Variants in WWP1 observed in about 807,000 individuals in gnomAD.
The protein encoded by WWP1 is WW domain containing E3 ubiquitin protein ligase 1, also known as NEDD4-like E3 ubiquitin-protein ligase WWP1.
In WWP1, 49 loss-of-function variants were observed where a neutral mutation model predicts 130.6. That is an observed-to-expected ratio of 0.38 (90% CI 0.30 to 0.48). WWP1 has a LOEUF of 0.48. Among genes scored for constraint, WWP1 ranks in the 20% least tolerant of loss-of-function variants. The pLI is 0.99. For synonymous variants in WWP1, 332 were observed against 367.8 expected (o/e 0.90, Z 1.11); for missense variants, 809 against 1,100.6 (o/e 0.74, Z 3.75).
chr8:86,401,911 AAAT>A, intron 7 of WWP1, 105 bp from the exon 8 acceptor site: 1 of 1,138,372 alleles, frequency 8.8e-7, no homozygotes, highest in Non-Finnish European at 1.2e-6. Context: ...TTTAAAAAAG[AAAT>A]AACAAAAAAG....
chr8:86,366,018 C>T (rs941609042), intron 1 of WWP1, among the ~76,000 whole-genome samples: 2 of 152,144 alleles, frequency 1.3e-5, no homozygotes, highest in African/African-American at 2.4e-5. Flanking sequence ...CTTGACATAA[C>T]GTATGTGAAA....
intron 21 of WWP1, among the ~76,000 whole-genome samples, chr8:86,453,804 T>C (rs531688230): frequency 6.6e-6 from 1 of 152,288 alleles, no homozygotes; most frequent in East Asian, 1.9e-4. Context: ...ATTTCCCTAA[T>C]GATTAGTTAT....
chr8:86,357,182 TG>T (rs1823312874), intron 1 of WWP1, among the ~76,000 whole-genome samples: 1 of 152,228 alleles, frequency 6.6e-6, no homozygotes, highest in Non-Finnish European at 1.5e-5. Context: ...ATATGTTCTA[TG>T]TTCCAATTCT....
intron 2 of WWP1, among the ~76,000 whole-genome samples, chr8:86,372,087 G>A (rs1366619287): frequency 2.1e-5 from 3 of 140,926 alleles, no homozygotes; most frequent in Admixed American, 1.5e-4. Flanking sequence ...GCAGTGGCGC[G>A]ATCTCGACTC....
At chr8:86,396,848 C>T (rs1421037957) in intron 5 of WWP1, among the ~76,000 whole-genome samples, 1 of 152,094 alleles carries the variant, frequency 6.6e-6, no homozygotes, top group Non-Finnish European at 1.5e-5. Flanking sequence ...GATGCGCCTG[C>T]CTCACCTCCC....
At chr8:86,431,805 C>T in intron 14 of WWP1, 62 bp downstream of exon 14, 1 of 1,587,938 alleles carries the variant, frequency 6.3e-7, no homozygotes, top group Non-Finnish European at 8.6e-7. Context: ...GATTTAGTCT[C>T]TAATTTATCC....
In WWP1 at chr8:86,342,682, G is replaced by C. The variant is rs1454759094; in HGVS notation, c.-363G>C. 6.2e-6 allele frequency: 2 copies of C among 321,496 alleles called. No homozygotes were observed. Among genetic ancestry groups the C allele is most frequent in the East Asian group, 9.4e-5 (2 of 21,244 alleles). 19.9% of individuals were successfully genotyped at this position (321,496 alleles called of 1,614,324 possible). A position where few individuals can be genotyped will look rare whatever the true frequency, so the allele number is the denominator to read the frequency against. On this transcript the variant is annotated 5_prime_UTR_variant, in exon 1 of 25. Transcript: ENST00000517970. ...CGCGCTCCCGAGGAAGGGAGGTGTG[G>C]GGTCGGCTGGGGGTGGCGCGTGGAC...
chr8:86,455,949 A>G (rs1201357982), intron 21 of WWP1, among the ~76,000 whole-genome samples: 2 of 152,018 alleles, frequency 1.3e-5, no homozygotes, highest in South Asian at 2.1e-4. Context: ...GTCCAGAAGT[A>G]GATCCACACC....
At position 86,402,222 on chromosome 8, in the gene WWP1, G is replaced by A. The variant is rs887106390; in HGVS notation, c.724+19G>A. ...GACACTGGTAAGCAAGGCTATTTATGACACCTTGTTTAAAGGAAAAGTAAA... is the reference window on the plus strand; with the variant it reads ...GACACTGGTAAGCAAGGCTATTTATAACACCTTGTTTAAAGGAAAAGTAAA... On this transcript the variant is annotated intron_variant, in intron 8 of 24. Coordinates refer to ENST00000517970, the MANE Select transcript of WWP1 (RefSeq NM_007013.4). The A allele has an allele frequency of 6.2e-7, 1 of 1,608,606 alleles. No homozygotes were observed. Among genetic ancestry groups the A allele is most frequent in the Non-Finnish European group, 8.5e-7 (1 of 1,177,586 alleles).
At chr8:86,441,554 T>G (rs924649977) in intron 17 of WWP1, among the ~76,000 whole-genome samples, 3 of 152,230 alleles carry the variant, frequency 2.0e-5, no homozygotes, top group Non-Finnish European at 4.4e-5. Context: ...GAATGAAGAT[T>G]TCTGACTTCT....
chr8:86,372,675 C>G (rs557252954), intron 2 of WWP1, among the ~76,000 whole-genome samples: 61 of 152,042 alleles, frequency 4.0e-4, no homozygotes, highest in African/African-American at 1.4e-3. Flanking sequence ...CTTTAAGTGT[C>G]CCTCTTTTCT....
intron 5 of WWP1, among the ~76,000 whole-genome samples, chr8:86,384,444 A>G (rs892972593): frequency 6.6e-6 from 1 of 152,212 alleles, no homozygotes; most frequent in East Asian, 1.9e-4. Context: ...TAAGTTGGTC[A>G]AGAGTATACA....
intron 5 of WWP1, among the ~76,000 whole-genome samples, chr8:86,385,099 GA>G (rs1315042081): frequency 6.6e-6 from 1 of 151,864 alleles, no homozygotes; most frequent in Non-Finnish European, 1.5e-5. Flanking sequence ...TAGTGTTGAA[GA>G]AAAATATTCA....
intron 9 of WWP1, among the ~76,000 whole-genome samples, chr8:86,422,426 C>A (rs1462257622): frequency 6.6e-6 from 1 of 151,648 alleles, no homozygotes; most frequent in Non-Finnish European, 1.5e-5. Context: ...GCGGTGCAAT[C>A]TTGGCTCACT....
At chr8:86,412,764 C>G (rs572412937) in intron 9 of WWP1, among the ~76,000 whole-genome samples, 5 of 151,312 alleles carry the variant, frequency 3.3e-5, no homozygotes, top group African/African-American at 1.2e-4. Context: ...ATGTTGTCCA[C>G]TGCTTAATTA....
intron 14 of WWP1, among the ~76,000 whole-genome samples, chr8:86,433,076 G>A (rs1313360895): frequency 2.0e-5 from 3 of 152,124 alleles, no homozygotes; most frequent in Non-Finnish European, 4.4e-5. Context: ...TTGGTTTGCA[G>A]TCCTGCCTGA....
intron 7 of WWP1, among the ~76,000 whole-genome samples, chr8:86,399,564 C>A (rs1218481329): frequency 6.6e-6 from 1 of 152,108 alleles, no homozygotes; most frequent in Non-Finnish European, 1.5e-5. Flanking sequence ...TCTAAGTTGC[C>A]GTTAAGTGAT....
At chr8:86,373,063 CTTAG>C (rs1341100442) in intron 2 of WWP1, among the ~76,000 whole-genome samples, 8 of 111,962 alleles carry the variant, frequency 7.1e-5, no homozygotes, top group African/African-American at 2.7e-4. Context: ...TTTTTCAGTT[CTTAG>C]TTTGTTTTTT....
Position 86,467,846 on chromosome 8 carries a change from A to C in WWP1, c.*953A>C, listed in dbSNP as rs1016079140. The C allele has an allele frequency of 6.6e-6, 1 of 152,234 alleles. No homozygotes were observed. Among genetic ancestry groups the C allele is most frequent in the Non-Finnish European group, 1.5e-5 (1 of 68,064 alleles). 9.4% of individuals were successfully genotyped at this position (152,234 alleles called of 1,614,324 possible). A position where few individuals can be genotyped will look rare whatever the true frequency, so the allele number is the denominator to read the frequency against. ...GATTGAAGAGTTACATAAGCATTTG[A>C]ATGCTCTAATATAAGGCTAATGATT... On this transcript the variant is annotated 3_prime_UTR_variant, in exon 25 of 25. Transcript: ENST00000517970.
Sources: allele counts gnomAD v4.1 joint callset (sites outside exome capture counted in the v4.1 genomes callset), GRCh38; gene constraint gnomAD v4.1.1; transcripts MANE v1.5; gene names NCBI Gene and HGNC (gene_info 2026-07-23, HGNC 2026-07-21).